Variants in PTPN18 observed in about 807,000 individuals in gnomAD.
PTPN18 encodes tyrosine-protein phosphatase non-receptor type 18.
In PTPN18, 65 loss-of-function variants were observed where a neutral mutation model predicts 65.4. That is an observed-to-expected ratio of 0.99 (90% CI 0.81 to 1.22). The LOEUF is 1.22. PTPN18 is among the 50% of genes most tolerant of loss of function. PTPN18 has a pLI of 0.00. For missense variants in PTPN18, 616 were observed against 646.5 expected, an observed-to-expected ratio of 0.95 and a Z score of 0.51; for synonymous variants, 255 against 267.8, an observed-to-expected ratio of 0.95 and a Z score of 0.47.
At chr2:130,367,265 A>C (rs1680416566) in intron 5 of PTPN18, among the ~76,000 whole-genome samples, 1 of 152,100 alleles carries the variant, frequency 6.6e-6, no homozygotes, top group Admixed American at 6.6e-5. Flanking sequence ...AAAGGTTTTC[A>C]GCATTTTTAG....
intron 5 of PTPN18, among the ~76,000 whole-genome samples, chr2:130,361,216 G>T (rs1174087463): frequency 6.6e-6 from 1 of 152,122 alleles, no homozygotes; most frequent in African/African-American, 2.4e-5. Context: ...TGTTCAATAA[G>T]TATTAATTAG....
At chr2:130,370,455 C>A in intron 8 of PTPN18, 102 bp from the exon 9 acceptor site, 1 of 1,354,558 alleles carries the variant, frequency 7.4e-7, no homozygotes, top group Non-Finnish European at 1.1e-6. Context: ...TCAAGAGGCT[C>A]TGCAGGGGAT....
chr2:130,361,239 A>G (rs943420328), intron 5 of PTPN18, among the ~76,000 whole-genome samples: 4 of 152,252 alleles, frequency 2.6e-5, no homozygotes, highest in African/African-American at 9.6e-5. Context: ...CAAGTTTGTC[A>G]ACAGCACTAT....
rs1041632299 is a variant in PTPN18 at position 130,375,284 on chromosome 2, T to G, written c.*2060T>G. Reference sequence around the variant, plus strand: ...TCCCTCTCCTGGGATGCAGACCCACTGCCTGCCCAGCTGGTACGATCCACA... The same window carrying G: ...TCCCTCTCCTGGGATGCAGACCCACGGCCTGCCCAGCTGGTACGATCCACA... On this transcript the variant is annotated 3_prime_UTR_variant, in exon 15 of 15. Coordinates refer to ENST00000175756, the MANE Select transcript of PTPN18 (RefSeq NM_014369.4). The G allele has an allele frequency of 6.5e-6, 1 of 153,616 alleles. No individual in the cohort carries two copies. The highest frequency in any genetic ancestry group is 1.4e-5 in the Non-Finnish European group (1 of 69,008). 9.5% of individuals were successfully genotyped at this position (153,616 alleles called of 1,614,324 possible).
In PTPN18 at chr2:130,372,937, C is replaced by T. The variant is rs1190870507; in HGVS notation, c.1305C>T (p.Thr435=). ...AGGACGTGGCGGGTGGAGCTCAGAC[C>T]GGTGGGCTAGGTAAGTCAGGTAGAG... is the stretch of plus-strand genomic sequence containing the variant. ...AYEDVAGGAQ[T]GGLGFNLRIG... Residue 435 remains threonine, a synonymous_variant, in exon 14 of 15, where the codon ACC becomes ACT. Transcript: ENST00000175756. 2 of 1,614,130 alleles carry T rather than the reference C, an allele frequency of 1.2e-6. No homozygotes were observed. Among genetic ancestry groups the T allele is most frequent in the Non-Finnish European group, 1.7e-6 (2 of 1,180,006 alleles).
intron 12 of PTPN18, among the ~76,000 whole-genome samples, chr2:130,371,661 A>G (rs761744603): frequency 5.9e-5 from 9 of 152,170 alleles, no homozygotes; most frequent in Non-Finnish European, 1.0e-4. Context: ...CTAAAAATAC[A>G]AAAATTAGCC....
At chr2:130,372,146 C>T in intron 12 of PTPN18, 111 bp from the exon 13 acceptor site, 3 of 1,066,180 alleles carry the variant, frequency 2.8e-6, no homozygotes, top group South Asian at 1.5e-5. Flanking sequence ...TCCCATCTAG[C>T]GCACCGCCTC....
intron 1 of PTPN18, among the ~76,000 whole-genome samples, chr2:130,357,492 A>G (rs548531420): frequency 1.3e-5 from 2 of 152,356 alleles, no homozygotes; most frequent in South Asian, 4.1e-4. Context: ...AATACAACAA[A>G]TGAATATAAC....
At position 130,356,080 on chromosome 2, in the gene PTPN18, G is replaced by C. The variant is rs1679955611; in HGVS notation, c.-28G>C. ...CACACTCGCCGCGCGCGCGGCGGCC[G>C]GGCTGGACCTTGCTGGCCCGCGGCG... On this transcript the variant is annotated 5_prime_UTR_variant, in exon 1 of 15. Transcript: ENST00000175756. The C allele has an allele frequency of 1.6e-6, 2 of 1,257,260 alleles. No homozygotes were observed. Among genetic ancestry groups the C allele is most frequent in the East Asian group, 3.3e-5 (1 of 30,438 alleles). 77.9% of individuals were successfully genotyped at this position (1,257,260 alleles called of 1,614,324 possible).
At chr2:130,361,431 A>AAT (rs1395212529) in intron 5 of PTPN18, among the ~76,000 whole-genome samples, 11 of 152,188 alleles carry the variant, frequency 7.2e-5, no homozygotes, top group Non-Finnish European at 1.5e-4. Context: ...TCTAATATGT[A>AAT]ATGACTCTTT....
chr2:130,369,921 C>T lies in PTPN18; in HGVS notation c.546+94C>T, dbSNP rs557014117. On this transcript the variant is annotated intron_variant, in intron 7 of 14. Transcript: ENST00000175756. ...TGGGCATCATACTAGTACCCACTTC[C>T]TCAGTTATTGTCTGGTAGACATAAA... The T allele has an allele frequency of 2.6e-6, 4 of 1,541,466 alleles. No individual in the cohort carries two copies. In the African/African-American group the frequency reaches 4.1e-5, roughly 16 times the overall value.
intron 5 of PTPN18, among the ~76,000 whole-genome samples, chr2:130,365,386 C>G (rs1475861598): frequency 6.6e-6 from 1 of 152,184 alleles, no homozygotes; most frequent in Non-Finnish European, 1.5e-5. Context: ...TGTATATCTT[C>G]TCTGGCCAAA....
At chr2:130,371,602 G>A (rs1343069460) in intron 12 of PTPN18, among the ~76,000 whole-genome samples, 2 of 152,320 alleles carry the variant, frequency 1.3e-5, no homozygotes, top group South Asian at 2.1e-4. Context: ...CGGATCACTT[G>A]AGCCCAGCTG....
chr2:130,363,489 C>T (rs1680290811), intron 5 of PTPN18, among the ~76,000 whole-genome samples: 1 of 152,080 alleles, frequency 6.6e-6, no homozygotes, highest in Non-Finnish European at 1.5e-5. Flanking sequence ...CATTAGCAGT[C>T]ACTCCCCATT....
chr2:130,362,534 A>C, intron 5 of PTPN18: 1 of 173,920 alleles, frequency 5.7e-6, no homozygotes, highest in Non-Finnish European at 1.2e-5. Context: ...ATATATCTTT[A>C]ACTTATAGTC....
chr2:130,356,094 T>C lies in PTPN18; in HGVS notation c.-14T>C. On this transcript the variant is annotated 5_prime_UTR_variant, in exon 1 of 15. Transcript: ENST00000175756. ...GCGCGGCGGCCGGGCTGGACCTTGC[T>C]GGCCCGCGGCGCCATGAGCCGCAGC... The C allele has an allele frequency of 1.6e-6, 2 of 1,289,346 alleles. No individual in the cohort carries two copies. Among genetic ancestry groups the C allele is most frequent in the Non-Finnish European group, 2.0e-6 (2 of 1,021,072 alleles). 79.9% of individuals were successfully genotyped at this position (1,289,346 alleles called of 1,614,324 possible). A position where few individuals can be genotyped will look rare whatever the true frequency, so the allele number is the denominator to read the frequency against.
rs1479641740 is a variant in PTPN18 at position 130,367,016 on chromosome 2, C to G, written c.415-2117C>G. ...AAAAAAGATTTTTTTTAGATACAGG[C>G]TAGCTATGTTGCCAACACACCTAGC... On this transcript the variant is annotated intron_variant, in intron 5 of 14. Transcript: ENST00000175756. Among the ~76,000 whole-genome samples the G allele has an allele frequency of 6.1e-5, 9 of 146,968 alleles. 1 individual carries two copies. In the South Asian group the frequency reaches 1.7e-3, roughly 28 times the overall value.
Position 130,357,901 on chromosome 2 carries a change from AT to A in PTPN18, c.94-963del, listed in dbSNP as rs564703529. ...TAACAGATAATTATAAACCTAAGTA[AT>A]TTACACACATGTAGAAACATTGTAT... On this transcript the variant is annotated intron_variant, in intron 1 of 14. Coordinates refer to ENST00000175756, the MANE Select transcript of PTPN18 (RefSeq NM_014369.4). Among the ~76,000 whole-genome samples the A allele has an allele frequency of 7.7e-3, 1,179 of 152,156 alleles. 13 individuals are homozygous for A. Among genetic ancestry groups the A allele is most frequent in the Non-Finnish European group, 0.013 (899 of 67,988 alleles).
chr2:130,368,956 T>C (rs1161877846), intron 5 of PTPN18, 177 bp from the exon 6 acceptor site: 8 of 576,482 alleles, frequency 1.4e-5, no homozygotes, highest in South Asian at 9.1e-5. Flanking sequence ...CGCACCTCCA[T>C]TGAGTCTGCA....
Sources: allele counts gnomAD v4.1 joint callset (sites outside exome capture counted in the v4.1 genomes callset), GRCh38; gene constraint gnomAD v4.1.1; transcripts MANE v1.5; gene names NCBI Gene and HGNC (gene_info 2026-07-23, HGNC 2026-07-21).